Variants in ITGA8 observed in about 807,000 individuals in gnomAD.
ITGA8 encodes the protein integrin alpha-8.
Under a neutral mutation model 142.3 loss-of-function variants are expected in ITGA8, and 91 were observed. The observed-to-expected ratio is 0.64, with a 90% confidence interval of 0.54 to 0.76. ITGA8 has a LOEUF of 0.76. ITGA8 is among the 30% of genes least tolerant of loss of function. ITGA8 has a pLI of 0.00. For synonymous variants in ITGA8, 505 were observed against 485.2 expected (o/e 1.04, Z -0.54); for missense variants, 1,406 against 1,327.7 (o/e 1.06, Z -0.92).
At chr10:15,577,580 A>G (rs1834323665) in intron 23 of ITGA8, among the ~76,000 whole-genome samples, 3 of 152,288 alleles carry the variant, frequency 2.0e-5, no homozygotes, top group Non-Finnish European at 4.4e-5. Context: ...AAATCATTTA[A>G]AAAGCATGGC....
chr10:15,652,385 CTTG>C (rs1588699830), intron 11 of ITGA8, among the ~76,000 whole-genome samples: 1 of 150,734 alleles, frequency 6.6e-6, no homozygotes, highest in African/African-American at 2.4e-5. Context: ...GCCCCTGGTG[CTTG>C]TTGTGTGGCC....
intron 26 of ITGA8, among the ~76,000 whole-genome samples, chr10:15,554,047 G>A (rs562701427): frequency 2.0e-5 from 3 of 152,178 alleles, no homozygotes; most frequent in South Asian, 2.1e-4. Context: ...GGATTTTCAG[G>A]AATATGATTA....
chr10:15,522,074 A>G (rs1833082694), intron 28 of ITGA8, among the ~76,000 whole-genome samples: 2 of 152,212 alleles, frequency 1.3e-5, no homozygotes, highest in South Asian at 4.1e-4. Flanking sequence ...TATCTATTTC[A>G]AAATAGCCAG....
At chr10:15,538,657 T>TA (rs1477479061) in intron 27 of ITGA8, among the ~76,000 whole-genome samples, 1 of 151,696 alleles carries the variant, frequency 6.6e-6, no homozygotes, top group Non-Finnish European at 1.5e-5. Flanking sequence ...ATAATAATAA[T>TA]AAAAAAGAAA....
intron 29 of ITGA8, 96 bp from the exon 30 acceptor site, chr10:15,517,340 T>A (rs1283065422): frequency 2.6e-6 from 2 of 756,736 alleles, no homozygotes; most frequent in Non-Finnish European, 4.2e-6. Flanking sequence ...TTTTTTTTTT[T>A]TAAACTGAGT....
At chr10:15,533,672 T>C (rs1033125652) in intron 27 of ITGA8, among the ~76,000 whole-genome samples, 1 of 152,182 alleles carries the variant, frequency 6.6e-6, no homozygotes, top group Non-Finnish European at 1.5e-5. Flanking sequence ...CTTTGATAAA[T>C]AGTTTGAAAA....
chr10:15,571,413 G>A (rs1300336426), intron 25 of ITGA8, among the ~76,000 whole-genome samples: 1 of 152,222 alleles, frequency 6.6e-6, no homozygotes, highest in African/African-American at 2.4e-5. Context: ...GACAATATCT[G>A]ACTACAAGAT....
Position 15,610,786 on chromosome 10 carries a change from G to C in ITGA8, c.1554-2496C>G, listed in dbSNP as rs979989652. Reference sequence around the variant, plus strand: ...AGTTTTCACTCCTATTTCAGTGATAGCAAATAGCAGGTTTCACACAGTCAC... The same window carrying C: ...AGTTTTCACTCCTATTTCAGTGATACCAAATAGCAGGTTTCACACAGTCAC... On this transcript the variant is annotated intron_variant, in intron 15 of 29. Coordinates refer to ENST00000378076, the MANE Select transcript of ITGA8 (RefSeq NM_003638.3). Among the ~76,000 whole-genome samples, 14 of 152,318 alleles carry C rather than the reference G, an allele frequency of 9.2e-5. 1 individual carries two copies. In the Middle Eastern group the frequency reaches 0.01, roughly 111 times the overall value.
At chr10:15,670,768 A>G (rs1003562220) in intron 8 of ITGA8, among the ~76,000 whole-genome samples, 1 of 152,194 alleles carries the variant, frequency 6.6e-6, no homozygotes, top group South Asian at 2.1e-4. Context: ...CTGCACGTTG[A>G]ATAGATCCCA....
intron 25 of ITGA8, among the ~76,000 whole-genome samples, chr10:15,567,732 G>T (rs954699712): frequency 6.6e-6 from 1 of 152,118 alleles, no homozygotes; most frequent in Non-Finnish European, 1.5e-5. Context: ...CCTCAGTTGG[G>T]CCCTGGGGAC....
At chr10:15,681,631 A>G (rs1458557242) in intron 4 of ITGA8, among the ~76,000 whole-genome samples, 1 of 152,226 alleles carries the variant, frequency 6.6e-6, no homozygotes, top group African/African-American at 2.4e-5. Context: ...TAGTCTGGCA[A>G]AAAGGCAGAA....
intron 23 of ITGA8, among the ~76,000 whole-genome samples, chr10:15,583,445 A>C (rs998712895): frequency 6.6e-6 from 1 of 152,186 alleles, no homozygotes; most frequent in Non-Finnish European, 1.5e-5. Flanking sequence ...GCAAACCATC[A>C]TGGCACTTGT....
At position 15,549,182 on chromosome 10, in the gene ITGA8, C is replaced by T. The variant is rs9333219; in HGVS notation, c.2767-614G>A. ...CTATCTATCAAATCAGATTTTCTTT[C>T]TTTTTTCTTTTCTTTTCTGTTTTTT... On this transcript the variant is annotated intron_variant, in intron 26 of 29. Coordinates refer to ENST00000378076, the MANE Select transcript of ITGA8 (RefSeq NM_003638.3). 8.5e-3 allele frequency among the ~76,000 whole-genome samples: 970 copies of T among 113,712 alleles called. 8 individuals are homozygous for T. The highest frequency in any genetic ancestry group is 0.035 in the African/African-American group (903 of 26,142). 74.6% of individuals were successfully genotyped at this position (113,712 alleles called of 152,430 possible).
At chr10:15,551,193 G>A (rs1254170310) in intron 26 of ITGA8, among the ~76,000 whole-genome samples, 2 of 151,768 alleles carry the variant, frequency 1.3e-5, no homozygotes, top group East Asian at 1.9e-4. Flanking sequence ...CAGTAAGGGA[G>A]GGCTGAGATG....
rs765127141 is a variant in ITGA8 at position 15,646,964 on chromosome 10, A to G, written c.1089T>C (p.Tyr363=). The G allele has an allele frequency of 6.2e-7, 1 of 1,614,014 alleles. No homozygotes were observed. The highest frequency in any genetic ancestry group is 8.5e-7 in the Non-Finnish European group (1 of 1,179,978). ...NPREVGQIYL[Y]LQVSSLLFRD... is the part of the protein sequence containing the mutation. ...TGAAGAGGAGAGAGCTCACTTGCAA[A>G]TACAGGTAGATTTGCCCTACTTCTC... is the stretch of plus-strand genomic sequence containing the variant. Residue 363 remains tyrosine (Y), a synonymous_variant, in exon 12 of 30, where the codon TAT becomes TAC. Transcript: ENST00000378076.
At chr10:15,594,868 G>A (rs909834046) in intron 21 of ITGA8, among the ~76,000 whole-genome samples, 2 of 152,134 alleles carry the variant, frequency 1.3e-5, no homozygotes, top group East Asian at 1.9e-4. Flanking sequence ...ATTGTATTGC[G>A]ATAGAGGCTA....
At chr10:15,666,167 A>G (rs1478854537) in intron 8 of ITGA8, among the ~76,000 whole-genome samples, 2 of 152,210 alleles carry the variant, frequency 1.3e-5, no homozygotes, top group Non-Finnish European at 2.9e-5. Context: ...ATGTTCTTCC[A>G]TTTGTTTGTA....
At chr10:15,529,752 T>G (rs2131540711) in intron 28 of ITGA8, among the ~76,000 whole-genome samples, 1 of 152,318 alleles carries the variant, frequency 6.6e-6, no homozygotes, top group South Asian at 2.1e-4. Flanking sequence ...TACAATTAAG[T>G]TTATGATCTA....
intron 25 of ITGA8, among the ~76,000 whole-genome samples, chr10:15,559,441 C>T (rs565006467): frequency 6.6e-6 from 1 of 152,262 alleles, no homozygotes; most frequent in East Asian, 1.9e-4. Context: ...AGCAGAGAGT[C>T]ACTTAGAGCC....
Sources: allele counts gnomAD v4.1 joint callset (sites outside exome capture counted in the v4.1 genomes callset), GRCh38; gene constraint gnomAD v4.1.1; transcripts MANE v1.5; gene names NCBI Gene and HGNC (gene_info 2026-07-23, HGNC 2026-07-21).